ENPP6: variants seen among roughly 807,000 people sequenced by gnomAD.
ENPP6 encodes the protein glycerophosphocholine cholinephosphodiesterase ENPP6.
ENPP6 carries 32 observed loss-of-function variants against 42.0 expected under a neutral mutation model. The observed-to-expected ratio is 0.76, with a 90% CI of 0.58 to 1.02. The LOEUF (loss-of-function observed/expected upper bound fraction) is 1.02, where lower values mean the gene tolerates loss of function less well. ENPP6 is among the 50% of genes least tolerant of loss of function. ENPP6 has a pLI of 0.00. For missense variants in ENPP6, 552 were observed against 566.8 expected (o/e 0.97, Z 0.27); for synonymous variants, 213 against 216.0 (o/e 0.99, Z 0.12).
At chr4:184,134,305 A>G (rs181605963) in intron 2 of ENPP6, among the ~76,000 whole-genome samples, 60 of 152,266 alleles carry the variant, frequency 3.9e-4, no homozygotes, top group African/African-American at 1.4e-3. Context: ...ATTCTCTGGA[A>G]GAATTTCTGT....
chr4:184,124,759 A>G (rs918094783), intron 2 of ENPP6, among the ~76,000 whole-genome samples: 1 of 152,242 alleles, frequency 6.6e-6, no homozygotes, highest in South Asian at 2.1e-4. Context: ...AACTGGACTT[A>G]GAGGTACTCT....
chr4:184,208,155 C>T (rs1733031996), intron 1 of ENPP6, among the ~76,000 whole-genome samples: 1 of 152,066 alleles, frequency 6.6e-6, no homozygotes, highest in East Asian at 1.9e-4. Context: ...TTAGTGGGCA[C>T]CCATTCGCGA....
At chr4:184,116,769 C>G (rs1240409047) in intron 5 of ENPP6, 87 bp downstream of exon 5, 1 of 1,524,548 alleles carries the variant, frequency 6.6e-7, no homozygotes, top group East Asian at 2.3e-5. Context: ...CAAAACAAAA[C>G]AAAAAAACTA....
intron 1 of ENPP6, among the ~76,000 whole-genome samples, chr4:184,172,607 C>T (rs186362588): frequency 3.0e-4 from 46 of 152,166 alleles, no homozygotes; most frequent in Non-Finnish European, 5.0e-4. Context: ...GAGCAGTGGG[C>T]GCAGTGAACG....
chr4:184,200,779 C>G (rs1732882105), intron 1 of ENPP6, among the ~76,000 whole-genome samples: 1 of 152,216 alleles, frequency 6.6e-6, no homozygotes, highest in Admixed American at 6.5e-5. Context: ...AAGGTGACTC[C>G]CGGGGGACCT....
At chr4:184,186,476 G>A (rs911737286) in intron 1 of ENPP6, among the ~76,000 whole-genome samples, 1 of 152,136 alleles carries the variant, frequency 6.6e-6, no homozygotes, top group African/African-American at 2.4e-5. Context: ...GAGAGAACAA[G>A]AAAGAAAGAG....
intron 6 of ENPP6, among the ~76,000 whole-genome samples, chr4:184,098,015 G>C (rs1370525911): frequency 6.6e-6 from 1 of 152,242 alleles, no homozygotes; most frequent in African/African-American, 2.4e-5. Flanking sequence ...GGAGCCCCTC[G>C]GGAGTGGAAG....
intron 7 of ENPP6, among the ~76,000 whole-genome samples, chr4:184,091,892 T>A (rs1433832361): frequency 6.6e-6 from 1 of 152,086 alleles, no homozygotes; most frequent in Non-Finnish European, 1.5e-5. Context: ...CAAGATCCTG[T>A]CTCAAAAAAA....
chr4:184,144,659 C>T (rs903309503), intron 2 of ENPP6, among the ~76,000 whole-genome samples: 13 of 152,244 alleles, frequency 8.5e-5, no homozygotes, highest in African/African-American at 2.9e-4. Flanking sequence ...CACCCAGGTC[C>T]TGAGCGCTGC....
At chr4:184,209,067 A>C (rs1006101484) in intron 1 of ENPP6, among the ~76,000 whole-genome samples, 1 of 148,390 alleles carries the variant, frequency 6.7e-6, no homozygotes, top group Non-Finnish European at 1.5e-5. Flanking sequence ...AAGGACATCC[A>C]CACCAAAAAC....
At chr4:184,113,542 T>G (rs931737385) in intron 5 of ENPP6, among the ~76,000 whole-genome samples, 5 of 152,298 alleles carry the variant, frequency 3.3e-5, no homozygotes, top group Middle Eastern at 3.4e-3. Flanking sequence ...TCTAATAATG[T>G]CAAAACGCCC....
intron 1 of ENPP6, among the ~76,000 whole-genome samples, chr4:184,155,710 T>C (rs1445705243): frequency 6.6e-6 from 1 of 152,186 alleles, no homozygotes; most frequent in Non-Finnish European, 1.5e-5. Context: ...CAGAGATAAA[T>C]GGAGGCTTCA....
intron 2 of ENPP6, among the ~76,000 whole-genome samples, chr4:184,146,546 A>T (rs1452005810): frequency 6.6e-6 from 1 of 152,272 alleles, no homozygotes; most frequent in Admixed American, 6.5e-5. Context: ...AATGTTAAAG[A>T]AATGAAATAG....
At chr4:184,106,535 G>A (rs961494922) in intron 6 of ENPP6, among the ~76,000 whole-genome samples, 4 of 152,094 alleles carry the variant, frequency 2.6e-5, no homozygotes, top group South Asian at 4.2e-4. Context: ...CCTCAGCCTG[G>A]AGAGCACTTC....
chr4:184,107,840 G>C (rs1324182599), intron 6 of ENPP6, among the ~76,000 whole-genome samples: 1 of 151,828 alleles, frequency 6.6e-6, no homozygotes, highest in Non-Finnish European at 1.5e-5. Flanking sequence ...GCGTGAACCC[G>C]GGAGGCGGAG....
intron 6 of ENPP6, among the ~76,000 whole-genome samples, chr4:184,108,876 CAT>C (rs1736150581): frequency 6.6e-6 from 1 of 152,256 alleles, no homozygotes; most frequent in African/African-American, 2.4e-5. Flanking sequence ...CTCAGAACCA[CAT>C]GTGTGTTCCA....
At chr4:184,135,847 A>T (rs2111363703) in intron 2 of ENPP6, among the ~76,000 whole-genome samples, 1 of 152,312 alleles carries the variant, frequency 6.6e-6, no homozygotes, top group Non-Finnish European at 1.5e-5. Flanking sequence ...CTGTTCTAAC[A>T]CTGCACATTA....
At chr4:184,154,007 C>T (rs1737110769) in intron 1 of ENPP6, among the ~76,000 whole-genome samples, 1 of 152,100 alleles carries the variant, frequency 6.6e-6, no homozygotes, top group Non-Finnish European at 1.5e-5. Context: ...ACACTGAGGA[C>T]ACTGTGCAGA....
chr4:184,159,493 G>C (rs1737227830), intron 1 of ENPP6, among the ~76,000 whole-genome samples: 1 of 152,208 alleles, frequency 6.6e-6, no homozygotes, highest in African/African-American at 2.4e-5. Context: ...TATTTGCATA[G>C]TGATAAATAG....
Sources: gnomAD v4.1 joint callset for allele counts (sites outside exome capture counted in the v4.1 genomes callset) on GRCh38, gnomAD v4.1.1 for gene constraint, MANE v1.5 for transcripts, NCBI Gene and HGNC (gene_info 2026-07-23, HGNC 2026-07-21) for gene names.